The following TBCK variants were observed in gnomAD, a reference collection of about 807,000 sequenced individuals.
TBCK encodes the protein TBC domain-containing protein kinase-like protein.
In TBCK, 99 loss-of-function variants were observed where a neutral mutation model predicts 113.4. That is an observed-to-expected ratio of 0.87 (90% CI 0.74 to 1.03). TBCK has a LOEUF of 1.03. Ranked by LOEUF, TBCK falls within the 50% of genes least tolerant of loss-of-function variation. The probability of loss-of-function intolerance (pLI) is 0.00; values close to 1 mark genes in which losing one functional copy is unlikely to be tolerated. For missense variants in TBCK, 1,045 were observed against 1,061.3 expected (o/e 0.98, Z 0.21); for synonymous variants, 369 against 370.8 (o/e 1.00, Z 0.05).
intron 7 of TBCK, 21 bp downstream of exon 7, chr4:106,250,397 A>T (rs1560908501): frequency 6.8e-7 from 1 of 1,463,326 alleles, no homozygotes; most frequent in Non-Finnish European, 9.4e-7. Flanking sequence ...TTTGAAAGAT[A>T]AGCAATTGTA....
At chr4:106,186,512 G>T (rs1325553068) in intron 22 of TBCK, among the ~76,000 whole-genome samples, 1 of 152,036 alleles carries the variant, frequency 6.6e-6, no homozygotes, top group East Asian at 1.9e-4. Flanking sequence ...TCATATGCTT[G>T]TTGGCCATAC....
Position 106,244,660 on chromosome 4 carries a change from T to C in TBCK, c.1036A>G (p.Ile346Val). The C allele has an allele frequency of 2.5e-6, 4 of 1,612,322 alleles. No homozygotes were observed. The highest frequency in any genetic ancestry group is 3.4e-6 in the Non-Finnish European group (4 of 1,179,254). ...LEKELVNKEI[I>V]RSKPPICTLP... ...GTGCAGATAGGTGGTTTGGATCGAA[T>C]GATTTCCTTGTTGACAAGCTCTTTC... The change falls in exon 11 of 26, where the codon ATT (isoleucine) becomes GTT (valine). Residue 346 changes from isoleucine (I) to valine (V), a missense_variant. By Grantham distance (29) the Ile-to-Val change is conservative. Coordinates refer to ENST00000394708, the MANE Select transcript of TBCK (RefSeq NM_001163435.3).
At chr4:106,212,688 G>T in intron 20 of TBCK, 62 bp downstream of exon 20, 2 of 1,210,374 alleles carry the variant, frequency 1.7e-6, no homozygotes, top group Non-Finnish European at 1.2e-6. Flanking sequence ...ACACTCTTCT[G>T]TGCTAATAAT....
chr4:106,058,862 G>A (rs1390320804), intron 25 of TBCK, among the ~76,000 whole-genome samples: 1 of 151,644 alleles, frequency 6.6e-6, no homozygotes, highest in Non-Finnish European at 1.5e-5. Context: ...GGAAGTTGCA[G>A]GCAGGAACAG....
chr4:106,248,937 C>G lies in TBCK; in HGVS notation c.704G>C (p.Cys235Ser). 6.2e-7 allele frequency: 1 copy of G among 1,607,974 alleles called. No individual in the cohort carries two copies. The highest frequency in any genetic ancestry group is 1.1e-5 in the South Asian group (1 of 89,778). Residue 235 changes from cysteine to serine, a missense_variant, in exon 8 of 26, where the codon TGT becomes TCT. Cys to Ser is a moderately radical substitution (Grantham distance 112). Transcript: ENST00000394708. Reference sequence around the variant, plus strand: ...ATGACAAACCTTTATAATGTCCAAACAACCATGCTCTTCAGCCAGAACTAT... The same window carrying G: ...ATGACAAACCTTTATAATGTCCAAAGAACCATGCTCTTCAGCCAGAACTAT... ...TLIVLAEEHGCLDIIKELPET... is the reference protein window; with the variant it reads ...TLIVLAEEHGSLDIIKELPET...
chr4:106,196,673 T>A (rs1235518772), intron 20 of TBCK, among the ~76,000 whole-genome samples: 1 of 152,058 alleles, frequency 6.6e-6, no homozygotes, highest in Non-Finnish European at 1.5e-5. Context: ...AAGGAAAAAG[T>A]ACAAAGGTAT....
At chr4:106,262,584 A>G (rs937446090) in intron 3 of TBCK, among the ~76,000 whole-genome samples, 2 of 152,050 alleles carry the variant, frequency 1.3e-5, no homozygotes, top group African/African-American at 4.8e-5. Flanking sequence ...ACTAAAAACT[A>G]TTTTGCTCAA....
chr4:106,178,364 A>G (rs1478639850), intron 22 of TBCK, among the ~76,000 whole-genome samples: 1 of 151,970 alleles, frequency 6.6e-6, no homozygotes, highest in Non-Finnish European at 1.5e-5. Flanking sequence ...TCTGTTGAAT[A>G]AAAGTAGTGA....
At chr4:106,054,134 A>G (rs1321296097) in intron 25 of TBCK, among the ~76,000 whole-genome samples, 1 of 151,720 alleles carries the variant, frequency 6.6e-6, no homozygotes, top group African/African-American at 2.4e-5. Context: ...AGCTTTATTC[A>G]GAATACATTC....
intron 25 of TBCK, among the ~76,000 whole-genome samples, chr4:106,087,735 A>G (rs1739678077): frequency 6.6e-6 from 1 of 152,184 alleles, no homozygotes; most frequent in African/African-American, 2.4e-5. Context: ...ATATAGACCA[A>G]CGGAGCAGGA....
intron 23 of TBCK, among the ~76,000 whole-genome samples, chr4:106,148,741 G>T (rs553798177): frequency 6.6e-6 from 1 of 152,256 alleles, no homozygotes; most frequent in Non-Finnish European, 1.5e-5. Context: ...TAATTCTTAA[G>T]AGCCCTAGGA....
chr4:106,257,631 G>A (rs751234252), intron 5 of TBCK, among the ~76,000 whole-genome samples: 1 of 151,914 alleles, frequency 6.6e-6, no homozygotes, highest in Non-Finnish European at 1.5e-5. Flanking sequence ...AATTCGTATT[G>A]TGTTATTTTA....
intron 23 of TBCK, among the ~76,000 whole-genome samples, chr4:106,118,045 AAAAAATCAAGTGATT>A (rs1560671798): frequency 6.6e-6 from 1 of 151,864 alleles, no homozygotes; most frequent in African/African-American, 2.4e-5. Flanking sequence ...CAAACACTTT[AAAAAATCAAGTGATT>A]AACATATGAG....
intron 23 of TBCK, among the ~76,000 whole-genome samples, chr4:106,161,193 A>G (rs1473734814): frequency 6.6e-6 from 1 of 152,112 alleles, no homozygotes; most frequent in Non-Finnish European, 1.5e-5. Context: ...AAGGTGGTAA[A>G]TTTTACGTTG....
chr4:106,173,904 A>T (rs1751320319), intron 22 of TBCK, among the ~76,000 whole-genome samples: 1 of 151,562 alleles, frequency 6.6e-6, no homozygotes, highest in African/African-American at 2.4e-5. Flanking sequence ...TTGTGAATAA[A>T]ACATGGATTA....
intron 25 of TBCK, among the ~76,000 whole-genome samples, chr4:106,092,129 A>G (rs1740334444): frequency 6.6e-6 from 1 of 152,184 alleles, no homozygotes; most frequent in Non-Finnish European, 1.5e-5. Flanking sequence ...AGCTAGACAT[A>G]AAGATTCTCC....
intron 24 of TBCK, among the ~76,000 whole-genome samples, chr4:106,112,959 C>A (rs1419385997): frequency 2.0e-5 from 3 of 152,202 alleles, no homozygotes; most frequent in African/African-American, 7.2e-5. Flanking sequence ...CAGGTGTTAA[C>A]CCTAGAGGAC....
At chr4:106,259,789 A>T (rs893520810) in intron 5 of TBCK, among the ~76,000 whole-genome samples, 4 of 151,980 alleles carry the variant, frequency 2.6e-5, no homozygotes, top group Admixed American at 2.6e-4. Flanking sequence ...AATAATAATG[A>T]AAATGTCTAA....
Position 106,293,537 on chromosome 4 carries a change from C to G in TBCK, c.266+1557G>C, listed in dbSNP as rs553794665. Among the ~76,000 whole-genome samples, 20 of 152,230 alleles carry G rather than the reference C, an allele frequency of 1.3e-4. 1 individual carries two copies. In the East Asian group the frequency reaches 3.9e-3, roughly 29 times the overall value. On this transcript the variant is annotated intron_variant, in intron 3 of 25. Coordinates refer to ENST00000394708, the MANE Select transcript of TBCK (RefSeq NM_001163435.3). ...TATCATCCCAAAATCATCCCTCCAC[C>G]CTCCATCCATGGAAAACCTGTCTTC...
Sources: gnomAD v4.1 joint callset for allele counts (sites outside exome capture counted in the v4.1 genomes callset) on GRCh38, gnomAD v4.1.1 for gene constraint, MANE v1.5 for transcripts, NCBI Gene and HGNC (gene_info 2026-07-23, HGNC 2026-07-21) for gene names.